Variants in CRK observed in about 807,000 individuals in gnomAD.
The protein encoded by CRK is adapter molecule crk.
A neutral mutation model predicts 29.8 loss-of-function variants in CRK; 4 were observed. The observed-to-expected ratio is 0.13, with a 90% CI of 0.07 to 0.31. The LOEUF (loss-of-function observed/expected upper bound fraction) is 0.31, where lower values mean the gene tolerates loss of function less well. CRK is among the 10% of genes least tolerant of loss of function. CRK has a pLI of 1.00. For missense variants in CRK, 274 were observed against 396.5 expected (o/e 0.69, Z 2.62); for synonymous variants, 153 against 164.9 (o/e 0.93, Z 0.55).
intron 2 of CRK, among the ~76,000 whole-genome samples, chr17:1,430,288 T>C (rs894678488): frequency 6.6e-6 from 1 of 150,428 alleles, no homozygotes; most frequent in Non-Finnish European, 1.5e-5. Flanking sequence ...AGGTGAAGAG[T>C]TCACCCACCT....
chr17:1,450,846 A>G (rs151337850), intron 1 of CRK, among the ~76,000 whole-genome samples: 76 of 152,166 alleles, frequency 5.0e-4, no homozygotes, highest in African/African-American at 1.8e-3. Context: ...AGATCGCGCC[A>G]CTGCACTCCA....
intron 1 of CRK, among the ~76,000 whole-genome samples, chr17:1,449,679 G>GA (rs909222353): frequency 1.3e-5 from 2 of 151,868 alleles, no homozygotes; most frequent in Non-Finnish European, 2.9e-5. Flanking sequence ...CTGTTCAAGA[G>GA]AAAAAAAACT....
At position 1,443,341 on chromosome 17, in the gene CRK, A is replaced by C. The variant is rs185213187; in HGVS notation, c.242-6186T>G. Among the ~76,000 whole-genome samples the C allele has an allele frequency of 1.4e-4, 22 of 151,976 alleles. 1 individual carries two copies. The highest frequency in any genetic ancestry group is 1.2e-3 in the Admixed American group (19 of 15,222). ...AGTCTCAGCCTCCCAAATAGCTGGGACTATAGGCACAAGCCACCCACCAAC... is the reference window on the plus strand; with the variant it reads ...AGTCTCAGCCTCCCAAATAGCTGGGCCTATAGGCACAAGCCACCCACCAAC... On this transcript the variant is annotated intron_variant, in intron 1 of 2. Coordinates refer to ENST00000300574, the MANE Select transcript of CRK (RefSeq NM_016823.4).
chr17:1,440,374 G>A (rs190540269), intron 1 of CRK, among the ~76,000 whole-genome samples: 96 of 151,890 alleles, frequency 6.3e-4, no homozygotes, highest in Admixed American at 1.8e-3. Context: ...TGAGGTGAGA[G>A]ATCGCTTGAG....
chr17:1,456,191 G>A lies in CRK; in HGVS notation c.-74C>T, dbSNP rs1477508272. On this transcript the variant is annotated 5_prime_UTR_variant, in exon 1 of 3. Transcript: ENST00000300574. ...TCCGGCCCCCGGCGCCCGCCGCCCA[G>A]CGGACCGGCTCCGGTTTCAGCTTCA... 1.5e-6 allele frequency: 2 copies of A among 1,360,116 alleles called. No homozygotes were observed. Among genetic ancestry groups the A allele is most frequent in the East Asian group, 3.1e-5 (1 of 31,910 alleles). The allele number at this position is 1,360,116 out of a possible 1,614,324, so 84.3% of individuals were successfully genotyped here.
chr17:1,440,743 C>CA (rs969829463), intron 1 of CRK, among the ~76,000 whole-genome samples: 11 of 151,658 alleles, frequency 7.3e-5, no homozygotes, highest in Admixed American at 5.9e-4. Context: ...AACAAACAAA[C>CA]AAAAAAACCA....
At position 1,420,973 on chromosome 17, in the gene CRK, GAATT is replaced by G. The variant is rs895014934; in HGVS notation, c.*2536_*2539del. ...ATAAACAATTCCAACAAATTAATAAGAATTAACCATGTCAAATATTAGTATTCAA... is the reference window on the plus strand; with the variant it reads ...ATAAACAATTCCAACAAATTAATAAGAACCATGTCAAATATTAGTATTCAA... On this transcript the variant is annotated 3_prime_UTR_variant, in exon 3 of 3. Coordinates refer to ENST00000300574, the MANE Select transcript of CRK (RefSeq NM_016823.4). The G allele has an allele frequency of 1.6e-3, 249 of 152,142 alleles. 1 individual carries two copies. Among genetic ancestry groups the G allele is most frequent in the African/African-American group, 5.6e-3 (231 of 41,516 alleles). The allele number at this position is 152,142 out of a possible 1,614,324, so 9.4% of individuals were successfully genotyped here. A position where few individuals can be genotyped will look rare whatever the true frequency, so the allele number is the denominator to read the frequency against.
intron 1 of CRK, among the ~76,000 whole-genome samples, chr17:1,449,198 G>C (rs1312552599): frequency 6.6e-6 from 1 of 152,136 alleles, no homozygotes; most frequent in African/African-American, 2.4e-5. Flanking sequence ...CGGATGAGCA[G>C]GTAACAGGAG....
At chr17:1,432,397 G>A (rs1158721559) in intron 2 of CRK, among the ~76,000 whole-genome samples, 2 of 148,718 alleles carry the variant, frequency 1.3e-5, no homozygotes, top group Non-Finnish European at 3.0e-5. Context: ...GTTGAGGCAC[G>A]AGAATCACTT....
chr17:1,424,263 C>T (rs1286956448), intron 2 of CRK, among the ~76,000 whole-genome samples: 1 of 152,046 alleles, frequency 6.6e-6, no homozygotes, highest in Non-Finnish European at 1.5e-5. Context: ...GATGGAGTTT[C>T]ACCATCTTGG....
chr17:1,452,799 A>C (rs1172663630), intron 1 of CRK, among the ~76,000 whole-genome samples: 1 of 147,928 alleles, frequency 6.8e-6, no homozygotes, highest in Non-Finnish European at 1.5e-5. Flanking sequence ...CTCAAAAAGA[A>C]AAAAAAAAAA....
rs953547933 is a variant in CRK, at chr17:1,444,600, G to GGC, written c.242-7446_242-7445insGC. ...AGCACTTTGGGAAGCCGAAGCGGGGGGGGGGATCACCTGAGATCGGGAGTT... is the reference window on the plus strand; with the variant it reads ...AGCACTTTGGGAAGCCGAAGCGGGGGGCGGGGGATCACCTGAGATCGGGAGTT... On this transcript the variant is annotated intron_variant, in intron 1 of 2. Transcript: ENST00000300574. Among the ~76,000 whole-genome samples, 44 of 150,810 alleles carry GGC rather than the reference G, an allele frequency of 2.9e-4. 5 individuals are homozygous for GGC. Among genetic ancestry groups the GGC allele is most frequent in the Non-Finnish European group, 5.0e-4 (34 of 67,526 alleles).
At chr17:1,447,980 G>A (rs375607180) in intron 1 of CRK, among the ~76,000 whole-genome samples, 2 of 152,174 alleles carry the variant, frequency 1.3e-5, no homozygotes, top group African/African-American at 2.4e-5. Flanking sequence ...GGTATTTACA[G>A]GGGTTGCTTA....
At chr17:1,425,757 T>C (rs991008899) in intron 2 of CRK, among the ~76,000 whole-genome samples, 2 of 152,208 alleles carry the variant, frequency 1.3e-5, no homozygotes, top group South Asian at 2.1e-4. Context: ...AGCTTGCCTA[T>C]TGGCCCCTCT....
intron 1 of CRK, among the ~76,000 whole-genome samples, chr17:1,440,831 G>A (rs2073929578): frequency 6.6e-6 from 1 of 152,144 alleles, no homozygotes; most frequent in Non-Finnish European, 1.5e-5. Context: ...CTGAGCCCAG[G>A]GAGTCAAGGC....
chr17:1,423,795 G>T (rs2150897172), intron 2 of CRK, 145 bp from the exon 3 acceptor site: 1 of 927,246 alleles, frequency 1.1e-6, no homozygotes, highest in Non-Finnish European at 1.6e-6. Flanking sequence ...CCCAGCCCCA[G>T]CCACCAGACT....
intron 1 of CRK, among the ~76,000 whole-genome samples, chr17:1,455,351 T>C (rs187149530): frequency 3.0e-4 from 46 of 152,162 alleles, no homozygotes; most frequent in African/African-American, 7.7e-4. Context: ...AAGGAAAAAA[T>C]TGACCGGTTT....
At chr17:1,440,216 A>G (rs1008967168) in intron 1 of CRK, among the ~76,000 whole-genome samples, 2 of 151,096 alleles carry the variant, frequency 1.3e-5, no homozygotes, top group African/African-American at 4.9e-5. Flanking sequence ...GGAGAATGGC[A>G]TGAACCCAGG....
intron 2 of CRK, among the ~76,000 whole-genome samples, chr17:1,428,032 C>T (rs2073798526): frequency 6.6e-6 from 1 of 151,924 alleles, no homozygotes; most frequent in Admixed American, 6.6e-5. Context: ...ACCAGCCCCA[C>T]CCCTTGCTGT....
Sources: gnomAD v4.1 joint callset for allele counts (sites outside exome capture counted in the v4.1 genomes callset) on GRCh38, gnomAD v4.1.1 for gene constraint, MANE v1.5 for transcripts, NCBI Gene and HGNC (gene_info 2026-07-23, HGNC 2026-07-21) for gene names.